Variants in CNTNAP2 observed in about 807,000 individuals in gnomAD.
The protein encoded by CNTNAP2 is contactin associated protein 2.
In CNTNAP2, 98 loss-of-function variants were observed where a neutral mutation model predicts 155.2. The observed-to-expected ratio is 0.63, with a 90% CI of 0.54 to 0.75. The LOEUF (loss-of-function observed/expected upper bound fraction) is 0.75. CNTNAP2 is among the 30% of genes least tolerant of loss of function. The probability of loss-of-function intolerance (pLI) is 0.00; values close to 1 mark genes in which losing one functional copy is unlikely to be tolerated. For synonymous variants in CNTNAP2, 651 were observed against 631.2 expected (o/e 1.03, Z -0.47); for missense variants, 1,727 against 1,688.1 (o/e 1.02, Z -0.40).
intron 8 of CNTNAP2, among the ~76,000 whole-genome samples, chr7:147,273,908 C>T (rs1020088587): frequency 1.4e-4 from 20 of 145,238 alleles, no homozygotes; most frequent in African/African-American, 4.0e-4. Flanking sequence ...TTATATATTA[C>T]GTATTTTATA....
rs1397354001 is a variant in CNTNAP2 at position 147,486,071 on chromosome 7, T to A, written c.1777+30T>A. ...GTGCCAATTTATCTCACTTTAATCT[T>A]GTAATTGCATGAGAATCTCAAGTCT... On this transcript the variant is annotated intron_variant, in intron 11 of 23. Coordinates refer to ENST00000361727, the MANE Select transcript of CNTNAP2 (RefSeq NM_014141.6). The A allele has an allele frequency of 9.6e-6, 15 of 1,565,376 alleles. No homozygotes were observed. In the East Asian group the frequency reaches 3.1e-4, roughly 33 times the overall value.
At chr7:146,207,636 T>C (rs1208931742) in intron 1 of CNTNAP2, among the ~76,000 whole-genome samples, 6 of 106,320 alleles carry the variant, frequency 5.6e-5, no homozygotes, top group Non-Finnish European at 1.3e-4. Context: ...AACAGGACTG[T>C]GTTTTTTTTT....
At chr7:146,218,379 G>C (rs973217093) in intron 1 of CNTNAP2, among the ~76,000 whole-genome samples, 73 of 152,062 alleles carry the variant, frequency 4.8e-4, no homozygotes, top group African/African-American at 1.7e-3. Context: ...CGTGGTGGCG[G>C]GCGCCCGTAG....
At chr7:146,436,351 G>T (rs974224303) in intron 1 of CNTNAP2, among the ~76,000 whole-genome samples, 1 of 152,124 alleles carries the variant, frequency 6.6e-6, no homozygotes, top group Admixed American at 6.5e-5. Flanking sequence ...TGTTGATGTG[G>T]CTATATATGT....
intron 1 of CNTNAP2, among the ~76,000 whole-genome samples, chr7:146,444,492 C>A (rs147990488): frequency 6.6e-6 from 1 of 152,212 alleles, no homozygotes; most frequent in African/African-American, 2.4e-5. Context: ...ACATCCTGGA[C>A]TGGATACATC....
chr7:148,089,734 A>G (rs527381136), intron 15 of CNTNAP2, among the ~76,000 whole-genome samples: 2 of 151,832 alleles, frequency 1.3e-5, no homozygotes, highest in African/African-American at 2.4e-5. Flanking sequence ...CAGATTTAAC[A>G]TAATGCCTAT....
In CNTNAP2 at chr7:148,152,686, G is replaced by A. The variant is rs547411073; in HGVS notation, c.2773+4977G>A. On this transcript the variant is annotated intron_variant, in intron 17 of 23. Transcript: ENST00000361727. ...GCAGTTTCAATCTTCCAGCCAGGAG[G>A]GAACCAGTTTTAAGGAGGGACAATT... Among the ~76,000 whole-genome samples the A allele has an allele frequency of 1.8e-4, 27 of 152,240 alleles. 1 individual carries two copies. The South Asian group carries it at 5.0e-3, about 28-fold the overall frequency.
chr7:146,267,627 G>T (rs1800016785), intron 1 of CNTNAP2, among the ~76,000 whole-genome samples: 1 of 152,130 alleles, frequency 6.6e-6, no homozygotes, highest in East Asian at 1.9e-4. Context: ...ACCACGTGAG[G>T]ACACAGGGTG....
intron 3 of CNTNAP2, among the ~76,000 whole-genome samples, chr7:147,042,341 G>T (rs563101091): frequency 6.6e-6 from 1 of 152,240 alleles, no homozygotes; most frequent in Non-Finnish European, 1.5e-5. Flanking sequence ...ACCATCTAAA[G>T]GTTACATAAA....
chr7:147,924,948 T>C (rs188626443), intron 14 of CNTNAP2, among the ~76,000 whole-genome samples: 7 of 151,136 alleles, frequency 4.6e-5, no homozygotes, highest in African/African-American at 1.5e-4. Context: ...AAATCCCGTC[T>C]CTACAAAAAA....
At chr7:146,250,557 G>T (rs992278591) in intron 1 of CNTNAP2, among the ~76,000 whole-genome samples, 2 of 152,142 alleles carry the variant, frequency 1.3e-5, no homozygotes, top group East Asian at 3.9e-4. Context: ...CAGTCTCTGT[G>T]ACCCTTCAAC....
intron 1 of CNTNAP2, among the ~76,000 whole-genome samples, chr7:146,271,402 G>T (rs2129083378): frequency 6.6e-6 from 1 of 152,000 alleles, no homozygotes; most frequent in East Asian, 1.9e-4. Context: ...ATAATTGGAA[G>T]AATTTTACAA....
chr7:146,826,845 T>TAG (rs1378298616), intron 2 of CNTNAP2, among the ~76,000 whole-genome samples: 3 of 139,698 alleles, frequency 2.1e-5, no homozygotes, highest in African/African-American at 9.2e-5. Flanking sequence ...TGTATATATA[T>TAG]ATATATATAT....
intron 13 of CNTNAP2, among the ~76,000 whole-genome samples, chr7:147,868,563 G>T (rs183664111): frequency 2.4e-4 from 37 of 152,336 alleles, no homozygotes; most frequent in Admixed American, 1.1e-3. Context: ...CTTGAGCTAT[G>T]CCCTGCCCAC....
chr7:148,100,073 T>A (rs1034596467), intron 15 of CNTNAP2, among the ~76,000 whole-genome samples: 1 of 151,958 alleles, frequency 6.6e-6, no homozygotes. Flanking sequence ...GGTTTCACCA[T>A]CTTGGCCAGG....
intron 1 of CNTNAP2, among the ~76,000 whole-genome samples, chr7:146,736,926 C>CAT (rs561281229): frequency 1.3e-3 from 194 of 151,492 alleles, no homozygotes; most frequent in Non-Finnish European, 2.3e-3. Context: ...AATATACACA[C>CAT]ATATATATAT....
At chr7:147,308,835 T>C (rs150462332) in intron 9 of CNTNAP2, among the ~76,000 whole-genome samples, 2 of 152,294 alleles carry the variant, frequency 1.3e-5, no homozygotes, top group Non-Finnish European at 2.9e-5. Flanking sequence ...AAGTCTTGGC[T>C]GAATGCTCTT....
intron 13 of CNTNAP2, among the ~76,000 whole-genome samples, chr7:147,873,995 C>T (rs1312758512): frequency 6.6e-6 from 1 of 152,220 alleles, no homozygotes; most frequent in Non-Finnish European, 1.5e-5. Flanking sequence ...CCATGACTCA[C>T]ATCCAGGTCA....
chr7:146,385,724 A>C (rs1274623147), intron 1 of CNTNAP2, among the ~76,000 whole-genome samples: 1 of 152,204 alleles, frequency 6.6e-6, no homozygotes, highest in Non-Finnish European at 1.5e-5. Context: ...GTTTCAGAGA[A>C]GCTGCTTTCT....
Sources: allele counts gnomAD v4.1 joint callset (sites outside exome capture counted in the v4.1 genomes callset), GRCh38; gene constraint gnomAD v4.1.1; transcripts MANE v1.5; gene names NCBI Gene and HGNC (gene_info 2026-07-23, HGNC 2026-07-21).